CNBD1: variants seen among roughly 807,000 people sequenced by gnomAD.
The protein encoded by CNBD1 is cyclic nucleotide-binding domain-containing protein 1.
CNBD1 carries 71 observed loss-of-function variants against 54.4 expected under a neutral mutation model. The observed-to-expected ratio is 1.30, with a 90% CI of 1.08 to 1.59. The LOEUF is 1.59. Ranked by LOEUF, CNBD1 falls within the 40% of genes most tolerant of loss-of-function variation. The pLI, the probability that CNBD1 is intolerant of heterozygous loss-of-function variation, is 0.00. For missense variants in CNBD1, 659 were observed against 518.0 expected (o/e 1.27, Z -2.64); for synonymous variants, 182 against 170.7 (o/e 1.07, Z -0.51).
At chr8:87,337,462 G>T (rs1029495788) in intron 8 of CNBD1, among the ~76,000 whole-genome samples, 4 of 152,206 alleles carry the variant, frequency 2.6e-5, no homozygotes, top group African/African-American at 9.6e-5. Context: ...CCTCCCCCAA[G>T]GAGCTCAGAT....
At chr8:87,029,686 T>G (rs1336804867) in intron 4 of CNBD1, among the ~76,000 whole-genome samples, 1 of 152,188 alleles carries the variant, frequency 6.6e-6, no homozygotes, top group Non-Finnish European at 1.5e-5. Context: ...GGCCTCACAC[T>G]ATTTTGTTAA....
At chr8:87,385,130 T>C (rs2130963273), downstream of CNBD1, among the ~76,000 whole-genome samples, 1 of 152,082 alleles carries the variant, frequency 6.6e-6, no homozygotes, top group South Asian at 2.1e-4. Context: ...TAAAAGATAA[T>C]GATGGGGGTG....
chr8:87,216,489 A>G (rs1255273733), intron 5 of CNBD1, among the ~76,000 whole-genome samples: 1 of 152,212 alleles, frequency 6.6e-6, no homozygotes, highest in African/African-American at 2.4e-5. Context: ...GAATTCTGTC[A>G]TATGAGAAAG....
rs539106860 is a variant in CNBD1 at position 87,213,022 on chromosome 8, C to A, written c.577+6884C>A. Among the ~76,000 whole-genome samples the A allele has an allele frequency of 1.4e-3, 210 of 152,006 alleles. 1 individual carries two copies. Among genetic ancestry groups the A allele is most frequent in the Non-Finnish European group, 1.9e-3 (132 of 67,958 alleles). On this transcript the variant is annotated intron_variant, in intron 5 of 10. Coordinates refer to ENST00000518476, the MANE Select transcript of CNBD1 (RefSeq NM_173538.3). Reference sequence around the variant, plus strand: ...CTGAGTAACAAGAAGACAATTAACCCAATTTCGAAAATGAGTATATTAGCT... The same window carrying A: ...CTGAGTAACAAGAAGACAATTAACCAAATTTCGAAAATGAGTATATTAGCT...
intron 3 of CNBD1, among the ~76,000 whole-genome samples, chr8:86,918,401 A>G (rs1809220808): frequency 6.6e-6 from 1 of 152,116 alleles, no homozygotes; most frequent in Non-Finnish European, 1.5e-5. Flanking sequence ...CTGCTGCTAC[A>G]AAAGGTAAGT....
chr8:87,078,274 A>G (rs1810916484), intron 4 of CNBD1, among the ~76,000 whole-genome samples: 1 of 152,258 alleles, frequency 6.6e-6, no homozygotes, highest in African/African-American at 2.4e-5. Context: ...AAGGTTCCTG[A>G]AAGAACAATT....
intron 4 of CNBD1, among the ~76,000 whole-genome samples, chr8:87,097,358 A>G (rs1309349448): frequency 6.6e-6 from 1 of 152,218 alleles, no homozygotes; most frequent in East Asian, 1.9e-4. Flanking sequence ...TGTAGTGTGC[A>G]TGAGATCACG....
rs146092920 is a variant in CNBD1, at chr8:87,347,208, A to G, written c.1043-4477A>G. Among the ~76,000 whole-genome samples the G allele has an allele frequency of 2.6e-5, 4 of 152,224 alleles. No homozygotes were observed. In the East Asian group the frequency reaches 7.7e-4, roughly 29 times the overall value. On this transcript the variant is annotated intron_variant, in intron 8 of 10. Transcript: ENST00000518476. ...TTCTGTTGCTGTTCTGCCACCTCAT[A>G]TAGTTTTAAATATTTTATCCAGAAT...
intron 2 of CNBD1, among the ~76,000 whole-genome samples, chr8:86,904,168 C>T (rs941720763): frequency 1.3e-5 from 2 of 151,920 alleles, no homozygotes; most frequent in African/African-American, 4.8e-5. Flanking sequence ...ATGAAAAAGA[C>T]TTTTTAAAAA....
At chr8:87,215,288 A>G (rs1486965858) in intron 5 of CNBD1, among the ~76,000 whole-genome samples, 1 of 152,184 alleles carries the variant, frequency 6.6e-6, no homozygotes, top group Admixed American at 6.5e-5. Context: ...ATTCATTTGG[A>G]CATCAAGTAA....
intron 4 of CNBD1, among the ~76,000 whole-genome samples, chr8:86,964,121 G>A (rs1188134330): frequency 0.017 from 4 of 238 alleles, no homozygotes; most frequent in African/African-American, 0.091. Flanking sequence ...CGTATGGCCT[G>A]TTTCTGTAGC....
At chr8:87,175,879 G>A (rs1813186293) in intron 4 of CNBD1, among the ~76,000 whole-genome samples, 2 of 152,168 alleles carry the variant, frequency 1.3e-5, no homozygotes, top group Admixed American at 1.3e-4. Flanking sequence ...AGGCTTACTG[G>A]AACTCAAGTT....
intron 2 of CNBD1, among the ~76,000 whole-genome samples, chr8:87,399,633 G>T (rs1217839948): frequency 6.6e-6 from 1 of 151,826 alleles, no homozygotes. Context: ...TTTAACCCTT[G>T]GTAAAGCCTA....
rs2130614081 is a variant in CNBD1, at chr8:87,044,287, T to C, written c.431+104533T>C. 1.3e-5 allele frequency among the ~76,000 whole-genome samples: 2 copies of C among 152,180 alleles called. 1 individual carries two copies. Among genetic ancestry groups the C allele is most frequent in the East Asian group, 3.9e-4 (2 of 5,184 alleles). ...TTAAAGAGAGATAATGTTATATAAG[T>C]GTCAGATTCCACAAAATCTGGATAT... is the stretch of plus-strand genomic sequence containing the variant. On this transcript the variant is annotated intron_variant, in intron 4 of 10. Coordinates refer to ENST00000518476, the MANE Select transcript of CNBD1 (RefSeq NM_173538.3).
intron 4 of CNBD1, among the ~76,000 whole-genome samples, chr8:87,077,061 A>G (rs1231466570): frequency 2.6e-5 from 4 of 152,176 alleles, no homozygotes; most frequent in Non-Finnish European, 4.4e-5. Context: ...TTACCATGGA[A>G]AGGGAAACAT....
chr8:87,409,879 C>G (rs1359048897), intron 2 of CNBD1, among the ~76,000 whole-genome samples: 1 of 151,824 alleles, frequency 6.6e-6, no homozygotes, highest in Non-Finnish European at 1.5e-5. Context: ...AAAAATTAGC[C>G]TGGTGTGGTG....
At chr8:87,318,112 CATT>C (rs1320112739) in intron 8 of CNBD1, among the ~76,000 whole-genome samples, 2 of 151,900 alleles carry the variant, frequency 1.3e-5, no homozygotes, top group African/African-American at 2.4e-5. Context: ...ACTTCATAAA[CATT>C]ATGGGATATG....
At chr8:86,990,093 T>C (rs1333646525) in intron 4 of CNBD1, among the ~76,000 whole-genome samples, 2 of 152,188 alleles carry the variant, frequency 1.3e-5, no homozygotes, top group African/African-American at 4.8e-5. Flanking sequence ...TATATTTTGG[T>C]TATTAATCCC....
intron 4 of CNBD1, among the ~76,000 whole-genome samples, chr8:87,027,048 C>T (rs927028124): frequency 2.0e-5 from 3 of 151,916 alleles, no homozygotes; most frequent in Non-Finnish European, 4.4e-5. Context: ...GTCATGTGAA[C>T]TTGAAAAATA....
Sources: gnomAD v4.1 joint callset for allele counts (sites outside exome capture counted in the v4.1 genomes callset) on GRCh38, gnomAD v4.1.1 for gene constraint, MANE v1.5 for transcripts, NCBI Gene and HGNC (gene_info 2026-07-23, HGNC 2026-07-21) for gene names.